The following MALRD1 variants were observed in gnomAD, a reference collection of about 807,000 sequenced individuals.
MALRD1 encodes the protein MAM and LDL-receptor class A domain-containing protein 1.
A neutral mutation model predicts 242.1 loss-of-function variants in MALRD1; 247 were observed. The observed-to-expected ratio is 1.02, with a 90% CI of 0.92 to 1.13. The LOEUF (loss-of-function observed/expected upper bound fraction) is 1.13. Among genes scored for constraint, MALRD1 ranks in the 50% most tolerant of loss-of-function variants. The pLI is 0.00. For missense variants in MALRD1, 2,989 were observed against 2,533.1 expected (o/e 1.18, Z -3.86); for synonymous variants, 995 against 866.6 (o/e 1.15, Z -2.60).
intron 29 of MALRD1, among the ~76,000 whole-genome samples, chr10:19,457,381 C>T (rs1010435394): frequency 2.2e-4 from 33 of 151,972 alleles, no homozygotes; most frequent in Non-Finnish European, 2.6e-4. Flanking sequence ...GGGTTTATTA[C>T]GTACAGATAG....
At chr10:19,395,022 GT>G (rs1846517544) in intron 28 of MALRD1, among the ~76,000 whole-genome samples, 1 of 152,198 alleles carries the variant, frequency 6.6e-6, no homozygotes, top group Admixed American at 6.5e-5. Flanking sequence ...AGACTATCAT[GT>G]GGATTTTGGA....
chr10:19,509,835 G>A (rs556784175), intron 31 of MALRD1, among the ~76,000 whole-genome samples: 71 of 152,298 alleles, frequency 4.7e-4, no homozygotes, highest in African/African-American at 1.7e-3. Context: ...CTGCACACCT[G>A]TGGGTGTTTC....
intron 24 of MALRD1, among the ~76,000 whole-genome samples, chr10:19,333,403 T>G (rs1843473005): frequency 6.6e-6 from 1 of 152,156 alleles, no homozygotes; most frequent in Admixed American, 6.6e-5. Flanking sequence ...CAGTGTTTGG[T>G]TTTCTGTTCC....
rs56931838 is a variant in MALRD1 at position 19,334,119 on chromosome 10, G to GTTTTTTTT, written c.3901+2553_3901+2560dup. Reference sequence around the variant, plus strand: ...GGTTGTCTGTTTACTCTGTTGGTAGGTTTTTTTTTTTTTTTTTTTTTTTCT... The same window carrying GTTTTTTTT: ...GGTTGTCTGTTTACTCTGTTGGTAGGTTTTTTTTTTTTTTTTTTTTTTTTTTTTTTTCT... On this transcript the variant is annotated intron_variant, in intron 24 of 39. Coordinates refer to ENST00000454679, the MANE Select transcript of MALRD1 (RefSeq NM_001142308.3). Among the ~76,000 whole-genome samples the GTTTTTTTT allele has an allele frequency of 1.8e-3, 119 of 66,774 alleles. 1 individual carries two copies. Among genetic ancestry groups the GTTTTTTTT allele is most frequent in the Non-Finnish European group, 2.1e-3 (79 of 37,224 alleles). 43.8% of individuals were successfully genotyped at this position (66,774 alleles called of 152,430 possible).
intron 19 of MALRD1, among the ~76,000 whole-genome samples, chr10:19,270,807 AAC>A (rs71387059): frequency 0.1 from 15,217 of 144,956 alleles, 781 homozygotes; most frequent in Middle Eastern, 0.12. Context: ...TTCAAAGGAT[AAC>A]ACACACACAC....
At chr10:19,557,364 C>T (rs1441990955) in intron 32 of MALRD1, among the ~76,000 whole-genome samples, 1 of 152,026 alleles carries the variant, frequency 6.6e-6, no homozygotes, top group African/African-American at 2.4e-5. Context: ...AGTGCAACAC[C>T]CAAAGCCACT....
intron 24 of MALRD1, among the ~76,000 whole-genome samples, chr10:19,341,458 A>G (rs139870077): frequency 1.7e-5 from 2 of 115,336 alleles, no homozygotes; most frequent in African/African-American, 6.3e-5. Flanking sequence ...ATATGTGTAT[A>G]TATATGTATA....
In MALRD1 at chr10:19,408,251, T is replaced by G. The variant is rs530885206; in HGVS notation, c.4845+18642T>G. ...ACAGGAATTAGGGAAGGGTAAGGAA[T>G]AGGAATTGGTCAGCAGGCGACAGGT... On this transcript the variant is annotated intron_variant, in intron 28 of 39. Transcript: ENST00000454679. Among the ~76,000 whole-genome samples, 3 of 152,142 alleles carry G rather than the reference T, an allele frequency of 2.0e-5. No individual in the cohort carries two copies. The South Asian group carries it at 6.2e-4, about 32-fold the overall frequency.
At chr10:19,282,011 A>ATCT in intron 20 of MALRD1, among the ~76,000 whole-genome samples, 2 of 151,550 alleles carry the variant, frequency 1.3e-5, no homozygotes, top group Middle Eastern at 6.9e-3. Context: ...GAGATCTACC[A>ATCT]TCTTAACAAA....
intron 28 of MALRD1, among the ~76,000 whole-genome samples, chr10:19,398,791 A>G (rs1379637414): frequency 3.9e-5 from 6 of 152,248 alleles, no homozygotes; most frequent in Admixed American, 3.9e-4. Flanking sequence ...AATTTCTTAT[A>G]TAAAAAAGCA....
At chr10:19,503,028 T>C (rs1232304171) in intron 31 of MALRD1, among the ~76,000 whole-genome samples, 2 of 152,180 alleles carry the variant, frequency 1.3e-5, no homozygotes, top group African/African-American at 4.8e-5. Context: ...TGTAATGTTA[T>C]ATACAAGCAA....
At chr10:19,565,185 G>A (rs1231971622) in intron 32 of MALRD1, among the ~76,000 whole-genome samples, 1 of 152,072 alleles carries the variant, frequency 6.6e-6, no homozygotes, top group Non-Finnish European at 1.5e-5. Flanking sequence ...GTATTGGAGA[G>A]TTTAATGTTC....
At chr10:19,391,182 G>A (rs1846320959) in intron 28 of MALRD1, among the ~76,000 whole-genome samples, 1 of 152,024 alleles carries the variant, frequency 6.6e-6, no homozygotes, top group Non-Finnish European at 1.5e-5. Context: ...TTGATTCTTA[G>A]GGAAATTTAA....
chr10:19,096,259 T>TA (rs938705156), intron 4 of MALRD1, among the ~76,000 whole-genome samples: 33 of 152,048 alleles, frequency 2.2e-4, no homozygotes, highest in Non-Finnish European at 4.1e-4. Context: ...AGTAGATCAA[T>TA]AAAAAAACGT....
chr10:19,135,488 A>G (rs928073630), intron 9 of MALRD1, among the ~76,000 whole-genome samples: 48 of 152,168 alleles, frequency 3.2e-4, no homozygotes, highest in African/African-American at 1.1e-3. Context: ...ATCTATTCAG[A>G]AACTTTAAGC....
chr10:19,314,518 T>A (rs1319678402), intron 21 of MALRD1, among the ~76,000 whole-genome samples: 1 of 151,636 alleles, frequency 6.6e-6, no homozygotes, highest in Non-Finnish European at 1.5e-5. Flanking sequence ...AATGGGCATA[T>A]CTGGGTGTCC....
At chr10:19,113,902 T>C (rs995686014) in intron 5 of MALRD1, among the ~76,000 whole-genome samples, 2 of 151,970 alleles carry the variant, frequency 1.3e-5, no homozygotes, top group African/African-American at 4.8e-5. Context: ...TGAGGCATAG[T>C]TCCTACCCTG....
chr10:19,248,269 A>C lies in MALRD1; in HGVS notation c.2992-9415A>C, dbSNP rs997999740. 6.6e-5 allele frequency among the ~76,000 whole-genome samples: 10 copies of C among 152,010 alleles called. 1 individual carries two copies. Among genetic ancestry groups the C allele is most frequent in the Non-Finnish European group, 1.3e-4 (9 of 67,970 alleles). ...TCAAAAGCAGGTATTATTTTCACTA[A>C]AATGAGATTTTAAAATCTAAATTGA... On this transcript the variant is annotated intron_variant, in intron 18 of 39. Coordinates refer to ENST00000454679, the MANE Select transcript of MALRD1 (RefSeq NM_001142308.3).
intron 28 of MALRD1, among the ~76,000 whole-genome samples, chr10:19,423,695 GA>G (rs1475549944): frequency 1.3e-5 from 2 of 152,092 alleles, no homozygotes; most frequent in African/African-American, 4.8e-5. Flanking sequence ...GAAATTAGGG[GA>G]TTGAGTCCCT....
Sources: gnomAD v4.1 joint callset for allele counts (sites outside exome capture counted in the v4.1 genomes callset) on GRCh38, gnomAD v4.1.1 for gene constraint, MANE v1.5 for transcripts, NCBI Gene and HGNC (gene_info 2026-07-23, HGNC 2026-07-21) for gene names.